SCN10A: variants seen among roughly 807,000 people sequenced by gnomAD.
SCN10A encodes the protein sodium voltage-gated channel alpha subunit 10.
Under a neutral mutation model 170.7 loss-of-function variants are expected in SCN10A, and 162 were observed. The ratio of observed to expected loss-of-function variants is 0.95; its 90% CI spans 0.84 to 1.08. The LOEUF (loss-of-function observed/expected upper bound fraction) is 1.08. Ranked by LOEUF, SCN10A falls within the 50% of genes least tolerant of loss-of-function variation. The pLI is 0.00. For missense variants in SCN10A, 2,527 were observed against 2,436.9 expected (o/e 1.04, Z -0.78); for synonymous variants, 985 against 904.6 (o/e 1.09, Z -1.59).
chr3:38,800,632 ACT>A (rs1010677744), intron 1 of SCN10A, among the ~76,000 whole-genome samples: 8 of 151,520 alleles, frequency 5.3e-5, no homozygotes, highest in African/African-American at 1.9e-4. Context: ...GTTCTAGGAA[ACT>A]CTGACTCCCC....
At chr3:38,786,222 C>T (rs1418182773) in intron 4 of SCN10A, among the ~76,000 whole-genome samples, 4 of 152,114 alleles carry the variant, frequency 2.6e-5, no homozygotes, top group Admixed American at 2.6e-4. Flanking sequence ...AGACTTGGAA[C>T]TAACCCAAAC....
chr3:38,767,007 T>C (rs1002134354), intron 5 of SCN10A, among the ~76,000 whole-genome samples: 14 of 152,154 alleles, frequency 9.2e-5, no homozygotes, highest in African/African-American at 3.4e-4. Context: ...ATTTTCTAGT[T>C]TGTGCAAATA....
intron 5 of SCN10A, among the ~76,000 whole-genome samples, chr3:38,769,820 G>A (rs114138805): frequency 0.018 from 2,741 of 152,214 alleles, 80 homozygotes; most frequent in African/African-American, 0.062. Flanking sequence ...TGCAGTGATC[G>A]TTATTGTTCT....
intron 13 of SCN10A, among the ~76,000 whole-genome samples, chr3:38,749,023 C>T (rs564684092): frequency 6.6e-6 from 1 of 152,358 alleles, no homozygotes; most frequent in African/African-American, 2.4e-5. Flanking sequence ...AAAACAGATA[C>T]ATCTCTGCAT....
At chr3:38,771,769 C>T (rs2064003240) in intron 4 of SCN10A, among the ~76,000 whole-genome samples, 1 of 152,140 alleles carries the variant, frequency 6.6e-6, no homozygotes, top group Non-Finnish European at 1.5e-5. Context: ...CTAAAAACTC[C>T]CAGTTTTTAG....
intron 15 of SCN10A, among the ~76,000 whole-genome samples, chr3:38,736,602 G>A (rs897566898): frequency 6.6e-6 from 1 of 152,072 alleles, no homozygotes; most frequent in Non-Finnish European, 1.5e-5. Context: ...TCTCCGGTGA[G>A]GTTTTGGCAA....
Position 38,771,355 on chromosome 3 carries a change from T to C in SCN10A, c.523A>G (p.Arg175Gly). 6.2e-7 allele frequency: 1 copy of C among 1,614,168 alleles called. No individual in the cohort carries two copies. The highest frequency in any genetic ancestry group is 8.5e-7 in the Non-Finnish European group (1 of 1,180,008). The part of the protein sequence containing the change: ...TFEALIKILA[R>G]GFCLNEFTYL... ...GTGAACTCATTTAGACAAAATCCTC[T>C]TGCCAGTATCTTTATCAAGGCTTCA... is the stretch of plus-strand genomic sequence containing the variant. Residue 175 changes from arginine to glycine, a missense_variant, in exon 5 of 28, where the codon AGA (arginine) becomes GGA (glycine). Coordinates refer to ENST00000449082, the MANE Select transcript of SCN10A (RefSeq NM_006514.4).
At chr3:38,789,229 A>G (rs1343318580) in intron 3 of SCN10A, among the ~76,000 whole-genome samples, 193 bp from the exon 4 acceptor site, 4 of 152,168 alleles carry the variant, frequency 2.6e-5, no homozygotes, top group Non-Finnish European at 5.9e-5. Flanking sequence ...TACTTCTAAT[A>G]CAACTGATCT....
intron 4 of SCN10A, among the ~76,000 whole-genome samples, chr3:38,784,853 G>T (rs996826310): frequency 6.6e-6 from 1 of 152,052 alleles, no homozygotes; most frequent in African/African-American, 2.4e-5. Context: ...CAAACCGAGA[G>T]CCAAATCATG....
chr3:38,810,252 T>C (rs2064431551), intron 1 of SCN10A, among the ~76,000 whole-genome samples: 1 of 152,154 alleles, frequency 6.6e-6, no homozygotes, highest in African/African-American at 2.4e-5. Context: ...AATTGACAGG[T>C]AGAAATGGGT....
chr3:38,766,276 A>T (rs2063931803), intron 5 of SCN10A, among the ~76,000 whole-genome samples: 1 of 152,016 alleles, frequency 6.6e-6, no homozygotes, highest in Non-Finnish European at 1.5e-5. Context: ...ACTATGTTGG[A>T]TAGAAATGGT....
chr3:38,788,949 TACTC>T lies in SCN10A; in HGVS notation c.470+3_470+6del, dbSNP rs2064244063. The T allele has an allele frequency of 6.5e-7, 1 of 1,542,708 alleles. No individual in the cohort carries two copies. ...GATGGTACAATAATGATAGCAAATC[TACTC>T]ACTCAATTTTCTCTGGAAGGTCAGT... On this transcript the variant is annotated splice_donor_5th_base_variant and intron_variant, in intron 4 of 27. Transcript: ENST00000449082.
At chr3:38,764,211 T>A (rs981341091) in intron 5 of SCN10A, among the ~76,000 whole-genome samples, 4 of 152,220 alleles carry the variant, frequency 2.6e-5, no homozygotes. Context: ...TTTGGTTACA[T>A]GAATAAGTTC....
intron 11 of SCN10A, among the ~76,000 whole-genome samples, chr3:38,753,992 G>T (rs1326064744): frequency 6.6e-6 from 1 of 152,136 alleles, no homozygotes; most frequent in South Asian, 2.1e-4. Flanking sequence ...ACTGCATTAG[G>T]TCTATTTACC....
chr3:38,729,498 C>G (rs11710461), intron 15 of SCN10A, among the ~76,000 whole-genome samples: 37,003 of 151,842 alleles, frequency 0.24, 4,662 homozygotes, highest in African/African-American at 0.28. Flanking sequence ...AGAACTCCAG[C>G]CGTGCAGGTG....
In SCN10A at chr3:38,697,460, G is replaced by C. The variant is rs747009227; in HGVS notation, c.5760C>G (p.Ser1920=). The change falls in exon 28 of 28, where the codon TCC becomes TCG. Residue 1920 remains serine (S), a synonymous_variant. Transcript: ENST00000449082. ...TAAGGCCTCTAGTGACACTCTCATA[G>C]GACGGTGGGAATGATGTGGCAGAAG... ...ETASATSFPP[S]YESVTRGLSD... 3.7e-6 allele frequency: 6 copies of C among 1,614,188 alleles called. No homozygotes were observed. The highest frequency in any genetic ancestry group is 3.3e-4 in the Middle Eastern group (2 of 6,062).
At chr3:38,720,164 C>T (rs535566301) in intron 20 of SCN10A, among the ~76,000 whole-genome samples, 7 of 152,200 alleles carry the variant, frequency 4.6e-5, no homozygotes, top group South Asian at 2.1e-4. Flanking sequence ...GTGTCTAGGA[C>T]GAGGACTAAG....
rs150817162 is a variant in SCN10A, at chr3:38,704,029, C to G, written c.4387-1920G>C. Among the ~76,000 whole-genome samples, 716 of 152,312 alleles carry G rather than the reference C, an allele frequency of 4.7e-3. 3 individuals carry two copies. Among genetic ancestry groups the G allele is most frequent in the Non-Finnish European group, 7.2e-3 (489 of 68,020 alleles). On this transcript the variant is annotated intron_variant, in intron 26 of 27. Coordinates refer to ENST00000449082, the MANE Select transcript of SCN10A (RefSeq NM_006514.4). ...ACCCTTTATTTGACTAAATTCAATT[C>G]TGTACCAAGGGTACATACTGAATGT...
intron 20 of SCN10A, among the ~76,000 whole-genome samples, chr3:38,720,196 C>T (rs896439926): frequency 4.6e-5 from 7 of 152,140 alleles, no homozygotes; most frequent in African/African-American, 1.7e-4. Flanking sequence ...TCCAACGTCT[C>T]TAAGGGAGTA....
Sources: gnomAD v4.1 joint callset for allele counts (sites outside exome capture counted in the v4.1 genomes callset) on GRCh38, gnomAD v4.1.1 for gene constraint, MANE v1.5 for transcripts, NCBI Gene and HGNC (gene_info 2026-07-23, HGNC 2026-07-21) for gene names.